CTNND2: variants seen among roughly 807,000 people sequenced by gnomAD.
CTNND2 encodes the protein catenin delta-2.
A neutral mutation model predicts 144.4 loss-of-function variants in CTNND2; 22 were observed. That is an observed-to-expected ratio of 0.15 (90% CI 0.11 to 0.22). The LOEUF (loss-of-function observed/expected upper bound fraction) is 0.22, where lower values mean the gene tolerates loss of function less well. Among genes scored for constraint, CTNND2 ranks in the 10% least tolerant of loss-of-function variants. The pLI is 1.00. For missense variants in CTNND2, 1,353 were observed against 1,618.8 expected (o/e 0.84, Z 2.82); for synonymous variants, 751 against 695.6 (o/e 1.08, Z -1.25).
At chr5:11,129,322 A>G (rs1371246110) in intron 12 of CTNND2, among the ~76,000 whole-genome samples, 1 of 106,822 alleles carries the variant, frequency 9.4e-6, no homozygotes, top group African/African-American at 3.6e-5. Context: ...AAATATATAT[A>G]ATATATATAT....
At chr5:11,551,361 T>C (rs1775742222) in intron 3 of CTNND2, among the ~76,000 whole-genome samples, 1 of 151,992 alleles carries the variant, frequency 6.6e-6, no homozygotes, top group South Asian at 2.1e-4. Context: ...CCAGCACCAC[T>C]TACTGGTTTT....
At chr5:11,862,287 GA>G (rs964684606) in intron 1 of CTNND2, among the ~76,000 whole-genome samples, 14 of 152,092 alleles carry the variant, frequency 9.2e-5, no homozygotes, top group African/African-American at 2.4e-4. Flanking sequence ...ATGGAAAATA[GA>G]AATTTTCCAT....
intron 3 of CTNND2, among the ~76,000 whole-genome samples, chr5:11,535,188 A>T (rs993737642): frequency 1.0e-5 from 1 of 99,234 alleles, no homozygotes; most frequent in East Asian, 4.9e-4. Context: ...ACTCTGTCTT[A>T]AAAAAAAAAA....
chr5:11,032,433 C>G (rs1011760435), intron 16 of CTNND2, among the ~76,000 whole-genome samples: 2 of 152,118 alleles, frequency 1.3e-5, no homozygotes, highest in Non-Finnish European at 2.9e-5. Flanking sequence ...TAAACACAGT[C>G]TATCATCAAA....
rs557712873 is a variant in CTNND2 at position 11,842,144 on chromosome 5, G to T, written c.37+61673C>A. 1.8e-4 allele frequency among the ~76,000 whole-genome samples: 28 copies of T among 152,022 alleles called. 1 individual carries two copies. The South Asian group carries it at 3.7e-3, about 20-fold the overall frequency. ...CCTTAAAAAAAAAATCAGTGAACCA[G>T]TTTCAATGCAGAGAACCCAGTCCCC... On this transcript the variant is annotated intron_variant, in intron 1 of 21. Transcript: ENST00000304623.
At chr5:11,804,335 C>T (rs1189637748) in intron 1 of CTNND2, among the ~76,000 whole-genome samples, 1 of 152,122 alleles carries the variant, frequency 6.6e-6, no homozygotes, top group Non-Finnish European at 1.5e-5. Context: ...ACTATGCTAT[C>T]CAGTCTTTAT....
intron 10 of CTNND2, among the ~76,000 whole-genome samples, chr5:11,216,761 A>AGCACTT (rs1042136756): frequency 2.0e-5 from 3 of 152,338 alleles, no homozygotes; most frequent in Admixed American, 6.5e-5. Context: ...GCTCATGAGG[A>AGCACTT]GCACTTCAGG....
chr5:11,555,361 G>C (rs758529669), intron 3 of CTNND2, among the ~76,000 whole-genome samples: 1 of 152,072 alleles, frequency 6.6e-6, no homozygotes, highest in Non-Finnish European at 1.5e-5. Flanking sequence ...AAGAAAACTG[G>C]GGTACTATAT....
At chr5:11,600,915 C>T (rs1341872573) in intron 2 of CTNND2, among the ~76,000 whole-genome samples, 3 of 152,024 alleles carry the variant, frequency 2.0e-5, no homozygotes, top group African/African-American at 7.2e-5. Flanking sequence ...GAGTGCTTGC[C>T]TCCCAGTGAG....
Position 11,538,030 on chromosome 5 carries a change from C to T in CTNND2, c.287+26914G>A, listed in dbSNP as rs1774383061. Among the ~76,000 whole-genome samples, 3 of 152,136 alleles carry T rather than the reference C, an allele frequency of 2.0e-5. 1 individual carries two copies. The South Asian group carries it at 6.2e-4, about 32-fold the overall frequency. ...TTTGGTAGATTCACCATGGACTCAACCTAAAGAAACTCTTCCTGCGTGATT... is the reference window on the plus strand; with the variant it reads ...TTTGGTAGATTCACCATGGACTCAATCTAAAGAAACTCTTCCTGCGTGATT... On this transcript the variant is annotated intron_variant, in intron 3 of 21. Coordinates refer to ENST00000304623, the MANE Select transcript of CTNND2 (RefSeq NM_001332.4).
intron 7 of CTNND2, among the ~76,000 whole-genome samples, chr5:11,374,792 T>G (rs1757769148): frequency 6.9e-6 from 1 of 145,318 alleles, no homozygotes; most frequent in Non-Finnish European, 1.5e-5. Flanking sequence ...TTTTTTTTTT[T>G]TTTTTTTTTT....
intron 9 of CTNND2, among the ~76,000 whole-genome samples, chr5:11,292,533 GA>G: frequency 6.6e-6 from 1 of 151,744 alleles, no homozygotes. Flanking sequence ...TCATGATAGT[GA>G]GTGAATTCTC....
Position 11,022,820 on chromosome 5 carries a change from T to G in CTNND2, c.2948A>C (p.Asp983Ala), listed in dbSNP as rs1250708433. ...GACCAACTTCTCGATGCCACCGGCATCCCGTAAGGCCTTGGCGTTCTCCAT... is the reference window on the plus strand; with the variant it reads ...GACCAACTTCTCGATGCCACCGGCAGCCCGTAAGGCCTTGGCGTTCTCCAT... ...KNMENAKALRDAGGIEKLVGI... is the reference protein window; with the variant it reads ...KNMENAKALRAAGGIEKLVGI... Residue 983 changes from aspartate to alanine, a missense_variant, in exon 17 of 22, where the codon GAT becomes GCT. Coordinates refer to ENST00000304623, the MANE Select transcript of CTNND2 (RefSeq NM_001332.4). 5 of 1,614,100 alleles carry G rather than the reference T, an allele frequency of 3.1e-6. No individual in the cohort carries two copies. Among genetic ancestry groups the G allele is most frequent in the Non-Finnish European group, 4.2e-6 (5 of 1,180,040 alleles).
intron 12 of CTNND2, among the ~76,000 whole-genome samples, chr5:11,143,102 A>G (rs1346193729): frequency 6.6e-6 from 1 of 152,156 alleles, no homozygotes; most frequent in African/African-American, 2.4e-5. Context: ...AACCCATTTA[A>G]CAAAGAGAAA....
chr5:11,250,286 TA>T (rs1202860271), intron 9 of CTNND2, among the ~76,000 whole-genome samples: 1 of 151,924 alleles, frequency 6.6e-6, no homozygotes, highest in East Asian at 1.9e-4. Flanking sequence ...GCAACAATAA[TA>T]AAAAATAACG....
intron 3 of CTNND2, among the ~76,000 whole-genome samples, chr5:11,431,795 C>T (rs1763310474): frequency 2.0e-5 from 3 of 151,848 alleles, no homozygotes; most frequent in Non-Finnish European, 2.9e-5. Context: ...CATTCTAGAC[C>T]CAGAAGCTCT....
intron 3 of CTNND2, among the ~76,000 whole-genome samples, chr5:11,503,258 A>G (rs1303961154): frequency 1.3e-5 from 2 of 152,208 alleles, no homozygotes; most frequent in Non-Finnish European, 2.9e-5. Context: ...TGTCTGAACA[A>G]AGTAAGGGTA....
intron 1 of CTNND2, among the ~76,000 whole-genome samples, chr5:11,849,247 A>G (rs1303169159): frequency 6.6e-6 from 1 of 152,110 alleles, no homozygotes; most frequent in African/African-American, 2.4e-5. Context: ...GAGACTTACT[A>G]CCATGAGAAC....
At chr5:11,406,214 C>G (rs1761094580) in intron 5 of CTNND2, among the ~76,000 whole-genome samples, 1 of 152,060 alleles carries the variant, frequency 6.6e-6, no homozygotes, top group African/African-American at 2.4e-5. Flanking sequence ...AGGGAATGAA[C>G]AATTAGGATA....
Sources: gnomAD v4.1 joint callset for allele counts (sites outside exome capture counted in the v4.1 genomes callset) on GRCh38, gnomAD v4.1.1 for gene constraint, MANE v1.5 for transcripts, NCBI Gene and HGNC (gene_info 2026-07-23, HGNC 2026-07-21) for gene names.